The following FMN2 variants were observed in gnomAD, a reference collection of about 807,000 sequenced individuals.
The protein encoded by FMN2 is formin 2, also known as formin-2.
Under a neutral mutation model 142.3 loss-of-function variants are expected in FMN2, and 51 were observed. That is an observed-to-expected ratio of 0.36 (90% CI 0.29 to 0.45). FMN2 has a LOEUF of 0.45. Ranked by LOEUF, FMN2 falls within the 20% of genes least tolerant of loss-of-function variation. The pLI, the probability that FMN2 is intolerant of heterozygous loss-of-function variation, is 1.00. For synonymous variants in FMN2, 882 were observed against 869.8 expected (o/e 1.01, Z -0.25); for missense variants, 1,936 against 2,122.8 (o/e 0.91, Z 1.73).
chr1:240,474,306 T>G lies in FMN2; in HGVS notation c.*152T>G. 1 of 681,186 alleles carries G rather than the reference T, an allele frequency of 1.5e-6. No individual in the cohort carries two copies. The highest frequency in any genetic ancestry group is 2.3e-6 in the Non-Finnish European group (1 of 430,780). 42.2% of individuals were successfully genotyped at this position (681,186 alleles called of 1,614,324 possible). On this transcript the variant is annotated 3_prime_UTR_variant, in exon 18 of 18. Coordinates refer to ENST00000319653, the MANE Select transcript of FMN2 (RefSeq NM_020066.5). ...TGTTTTCTAGACAGTTCACTAATTG[T>G]TGAATTTTACTGTATATTCATATAA...
At chr1:240,160,370 G>A (rs1004810078) in intron 2 of FMN2, among the ~76,000 whole-genome samples, 3 of 151,324 alleles carry the variant, frequency 2.0e-5, no homozygotes, top group African/African-American at 7.3e-5. Context: ...AAAACCAAAT[G>A]ACATATCAAA....
chr1:240,126,358 C>T (rs1264403428), intron 2 of FMN2, among the ~76,000 whole-genome samples: 2 of 150,618 alleles, frequency 1.3e-5, no homozygotes, highest in Non-Finnish European at 2.9e-5. Context: ...GGTACCCTTC[C>T]TACCTACCCC....
intron 5 of FMN2, among the ~76,000 whole-genome samples, chr1:240,209,771 G>A (rs1666612038): frequency 6.6e-6 from 1 of 151,716 alleles, no homozygotes; most frequent in Non-Finnish European, 1.5e-5. Flanking sequence ...GGGCGAGGTG[G>A]CGGGCGCCGG....
At chr1:240,271,266 C>T (rs963886154) in intron 7 of FMN2, among the ~76,000 whole-genome samples, 1 of 151,508 alleles carries the variant, frequency 6.6e-6, no homozygotes, top group African/African-American at 2.4e-5. Context: ...TAGAGTCTGG[C>T]TTCATTCTTG....
Position 240,092,446 on chromosome 1 carries a change from T to C in FMN2, c.337T>C (p.Ser113Pro). The C allele has an allele frequency of 1.2e-6, 2 of 1,610,244 alleles. No homozygotes were observed. Among genetic ancestry groups the C allele is most frequent in the Non-Finnish European group, 1.7e-6 (2 of 1,178,552 alleles). ...LQTGELDSAH[S>P]LLTKTPDLSL... ...GACCGGGGAGCTGGACAGCGCTCAC[T>C]CCCTGCTCACCAAGACTCCAGACCT... Residue 113 changes from serine (S) to proline (P), a missense_variant, in exon 1 of 18, where the codon TCC becomes CCC. Ser to Pro is a moderately conservative substitution (Grantham distance 74). Around this residue, in one of 8 missense-constraint regions of FMN2, gnomAD observed 751 missense variants for 791.8 expected, o/e 0.95. Coordinates refer to ENST00000319653, the MANE Select transcript of FMN2 (RefSeq NM_020066.5).
In FMN2 at chr1:240,306,331, T is replaced by C. The variant is rs149029045; in HGVS notation, c.4215+11448T>C. Among the ~76,000 whole-genome samples the C allele has an allele frequency of 3.1e-3, 470 of 152,270 alleles. 1 individual carries two copies. The highest frequency in any genetic ancestry group is 0.011 in the African/African-American group (457 of 41,552). On this transcript the variant is annotated intron_variant, in intron 8 of 17. Transcript: ENST00000319653. ...CATGTGCAGGTTTGTTACAAGGGCA[T>C]ATTGAGTGGGGCTGAGGTTTGGGCT...
chr1:240,304,202 TTGAA>T (rs1354320456), intron 8 of FMN2, among the ~76,000 whole-genome samples: 1 of 152,244 alleles, frequency 6.6e-6, no homozygotes, highest in Non-Finnish European at 1.5e-5. Flanking sequence ...TCTTTATCCT[TTGAA>T]TGGTGCATAC....
At chr1:240,407,474 T>C (rs1259759469) in intron 15 of FMN2, among the ~76,000 whole-genome samples, 1 of 151,918 alleles carries the variant, frequency 6.6e-6, no homozygotes, top group Non-Finnish European at 1.5e-5. Flanking sequence ...GTAATCGGGG[T>C]TGGAGAAGGG....
chr1:240,263,467 G>A (rs1668696092), intron 7 of FMN2, among the ~76,000 whole-genome samples: 1 of 152,188 alleles, frequency 6.6e-6, no homozygotes, highest in African/African-American at 2.4e-5. Flanking sequence ...TATGGAAGAG[G>A]TAGGAGTGGA....
At chr1:240,359,548 C>T (rs188266421) in intron 14 of FMN2, among the ~76,000 whole-genome samples, 18 of 152,250 alleles carry the variant, frequency 1.2e-4, no homozygotes, top group Admixed American at 6.5e-4. Flanking sequence ...AAGAGTCTTA[C>T]GGAATTCATC....
chr1:240,317,928 G>A (rs565569570), intron 8 of FMN2, among the ~76,000 whole-genome samples: 6 of 152,226 alleles, frequency 3.9e-5, no homozygotes, highest in South Asian at 2.1e-4. Flanking sequence ...TATTCTAGCT[G>A]TTACAATAGA....
At chr1:240,469,228 A>G (rs1352380945) in intron 16 of FMN2, among the ~76,000 whole-genome samples, 1 of 152,136 alleles carries the variant, frequency 6.6e-6, no homozygotes, top group Non-Finnish European at 1.5e-5. Context: ...ATTCTGCCAG[A>G]TGCTACTTCT....
intron 7 of FMN2, among the ~76,000 whole-genome samples, chr1:240,275,081 T>G (rs993439862): frequency 7.6e-5 from 2 of 26,192 alleles, no homozygotes; most frequent in East Asian, 2.6e-3. Context: ...TTTTTTTAAG[T>G]TTTTTTTTTT....
intron 15 of FMN2, among the ~76,000 whole-genome samples, chr1:240,411,434 G>A (rs1674386003): frequency 6.6e-6 from 1 of 152,076 alleles, no homozygotes; most frequent in Non-Finnish European, 1.5e-5. Flanking sequence ...AGCCAGGCAT[G>A]CTGTCACATG....
At chr1:240,170,233 G>C in intron 2 of FMN2, 1 of 1,270,876 alleles carries the variant, frequency 7.9e-7, no homozygotes, top group Non-Finnish European at 1.1e-6. Flanking sequence ...GCCTCTCTCC[G>C]TAGAGGAGAT....
intron 2 of FMN2, among the ~76,000 whole-genome samples, chr1:240,146,117 A>C (rs989784728): frequency 9.9e-5 from 15 of 151,808 alleles, no homozygotes; most frequent in Admixed American, 2.6e-4. Context: ...GGATCAGTGG[A>C]TCACACCTGT....
At chr1:240,232,265 TTTTTTA>T (rs1276853417) in intron 6 of FMN2, among the ~76,000 whole-genome samples, 3 of 89,132 alleles carry the variant, frequency 3.4e-5, no homozygotes, top group African/African-American at 9.2e-5. Flanking sequence ...TTTTTTTTTT[TTTTTTA>T]AGTAGAGACA....
chr1:240,182,884 C>T lies in FMN2; in HGVS notation c.1930+4816C>T, dbSNP rs142083299. 5.2e-3 allele frequency among the ~76,000 whole-genome samples: 782 copies of T among 151,618 alleles called. 6 individuals carry two copies. Among genetic ancestry groups the T allele is most frequent in the African/African-American group, 0.017 (706 of 41,342 alleles). On this transcript the variant is annotated intron_variant, in intron 3 of 17. Transcript: ENST00000319653. ...GTTCCTAAGAGAAGAAATTCTGTGC[C>T]GTGCAATGTCAATACAACTCATTTC...
chr1:240,401,674 A>G (rs1673994952), intron 15 of FMN2, among the ~76,000 whole-genome samples: 1 of 152,226 alleles, frequency 6.6e-6, no homozygotes, highest in Non-Finnish European at 1.5e-5. Context: ...GGGCTATCAG[A>G]TGCCTTAAGG....
Sources: allele counts gnomAD v4.1 joint callset (sites outside exome capture counted in the v4.1 genomes callset), GRCh38; gene constraint gnomAD v4.1.1; regional missense constraint gnomAD v4.1.1; transcripts MANE v1.5; gene names NCBI Gene and HGNC (gene_info 2026-07-23, HGNC 2026-07-21).